RBFOX1: variants seen among roughly 807,000 people sequenced by gnomAD.
The protein encoded by RBFOX1 is RNA binding protein fox-1 homolog 1.
A neutral mutation model predicts 57.7 loss-of-function variants in RBFOX1; 8 were observed. The observed-to-expected ratio is 0.14, with a 90% CI of 0.08 to 0.25. RBFOX1 has a LOEUF of 0.25. RBFOX1 is among the 10% of genes least tolerant of loss of function. The pLI, the probability that RBFOX1 is intolerant of heterozygous loss-of-function variation, is 1.00. For synonymous variants in RBFOX1, 326 were observed against 222.4 expected (o/e 1.47, Z -4.15); for missense variants, 611 against 548.5 (o/e 1.11, Z -1.14).
intron 2 of RBFOX1, among the ~76,000 whole-genome samples, chr16:5,542,443 G>A (rs1400917060): frequency 6.7e-6 from 1 of 149,670 alleles, no homozygotes; most frequent in Non-Finnish European, 1.5e-5. Flanking sequence ...ATTTTTAGTA[G>A]AGATGGGGTT....
intron 3 of RBFOX1, among the ~76,000 whole-genome samples, chr16:5,828,237 A>G (rs2056143689): frequency 1.3e-5 from 2 of 152,090 alleles, no homozygotes; most frequent in African/African-American, 4.8e-5. Flanking sequence ...TCAACCACCC[A>G]CAAATCTACC....
chr16:7,238,824 G>A (rs770092702), intron 4 of RBFOX1, among the ~76,000 whole-genome samples: 1 of 152,122 alleles, frequency 6.6e-6, no homozygotes, highest in South Asian at 2.1e-4. Context: ...CCCAGTGTGT[G>A]TTGTTCCCCT....
intron 2 of RBFOX1, among the ~76,000 whole-genome samples, chr16:6,407,953 C>G (rs1468752930): frequency 6.6e-6 from 1 of 152,082 alleles, no homozygotes; most frequent in Non-Finnish European, 1.5e-5. Context: ...GAGCTGGAGG[C>G]TTTAGGAGGT....
At chr16:7,322,690 G>A (rs966367480) in intron 4 of RBFOX1, among the ~76,000 whole-genome samples, 6 of 152,158 alleles carry the variant, frequency 3.9e-5, no homozygotes, top group Admixed American at 3.9e-4. Flanking sequence ...TCAAAAATAA[G>A]ATTGAGGAAC....
In RBFOX1 at chr16:5,956,513, A is replaced by G. The variant is rs551894766; in HGVS notation, c.351+89178A>G. 7.3e-3 allele frequency among the ~76,000 whole-genome samples: 1,109 copies of G among 151,538 alleles called. 8 individuals are homozygous for G. The highest frequency in any genetic ancestry group is 0.026 in the African/African-American group (1,055 of 41,292). On this transcript the variant is annotated intron_variant, in intron 4 of 19. Transcript: ENST00000641259. ...CCCTGGAGCTCCTGTTAAAAATGCA[A>G]ATCACTGGGCTTCCTCTCTGAGATT...
chr16:6,481,429 G>A (rs1474650483), intron 2 of RBFOX1, among the ~76,000 whole-genome samples: 1 of 152,242 alleles, frequency 6.6e-6, no homozygotes, highest in East Asian at 1.9e-4. Context: ...CTGAGAACAC[G>A]AGGACAATGG....
At chr16:6,623,055 G>A (rs1428856648) in intron 2 of RBFOX1, among the ~76,000 whole-genome samples, 4 of 152,112 alleles carry the variant, frequency 2.6e-5, no homozygotes, top group Non-Finnish European at 2.9e-5. Flanking sequence ...TTGTCAGTCC[G>A]CCATCGACAT....
intron 3 of RBFOX1, among the ~76,000 whole-genome samples, chr16:5,755,748 A>G (rs2053370472): frequency 1.3e-5 from 2 of 152,076 alleles, no homozygotes; most frequent in Non-Finnish European, 2.9e-5. Flanking sequence ...ACAGGCATGC[A>G]TCTCCATGCG....
At chr16:5,360,050 A>G (rs988870431) in intron 1 of RBFOX1, among the ~76,000 whole-genome samples, 1 of 152,252 alleles carries the variant, frequency 6.6e-6, no homozygotes, top group African/African-American at 2.4e-5. Flanking sequence ...GCTTGTTCAG[A>G]GAACCCTGCA....
At chr16:5,304,814 A>C (rs2063892856) in intron 1 of RBFOX1, among the ~76,000 whole-genome samples, 1 of 142,602 alleles carries the variant, frequency 7.0e-6, no homozygotes, top group Non-Finnish European at 1.5e-5. Flanking sequence ...GGACTGGTAG[A>C]AGTTAGCCAT....
intron 3 of RBFOX1, among the ~76,000 whole-genome samples, chr16:5,653,927 G>A (rs550276169): frequency 1.5e-3 from 233 of 152,258 alleles, no homozygotes; most frequent in Non-Finnish European, 2.8e-3. Flanking sequence ...GTGTCTGCTC[G>A]TCTATTCTCC....
intron 4 of RBFOX1, among the ~76,000 whole-genome samples, chr16:7,140,102 C>G (rs2073260760): frequency 6.6e-6 from 1 of 151,310 alleles, no homozygotes. Flanking sequence ...ACTGTTCTCT[C>G]TTTCTCTCTG....
intron 1 of RBFOX1, among the ~76,000 whole-genome samples, chr16:6,047,119 A>G (rs1331701820): frequency 6.6e-6 from 1 of 152,226 alleles, no homozygotes; most frequent in Non-Finnish European, 1.5e-5. Flanking sequence ...TAGTTGGCTA[A>G]TGAGCCTTGA....
intron 1 of RBFOX1, among the ~76,000 whole-genome samples, chr16:6,146,894 A>C (rs2096762611): frequency 6.6e-6 from 1 of 152,144 alleles, no homozygotes; most frequent in Non-Finnish European, 1.5e-5. Flanking sequence ...GGCATCAAGA[A>C]ATGGTAGACG....
intron 1 of RBFOX1, among the ~76,000 whole-genome samples, chr16:5,347,882 C>A (rs1307283846): frequency 6.7e-6 from 1 of 150,214 alleles, no homozygotes; most frequent in Non-Finnish European, 1.5e-5. Flanking sequence ...ATGCACTCAC[C>A]CACCCATTCA....
chr16:5,406,433 C>T (rs989384325), intron 1 of RBFOX1, among the ~76,000 whole-genome samples: 10 of 152,076 alleles, frequency 6.6e-5, no homozygotes, highest in African/African-American at 2.4e-4. Context: ...GGCCTTTGGA[C>T]CCAGACTAGG....
chr16:6,796,711 C>G (rs748750744), intron 3 of RBFOX1, among the ~76,000 whole-genome samples: 1 of 152,016 alleles, frequency 6.6e-6, no homozygotes, highest in Non-Finnish European at 1.5e-5. Context: ...TTTTGATGAA[C>G]TTTCTCTCCT....
intron 2 of RBFOX1, among the ~76,000 whole-genome samples, chr16:6,426,438 G>A (rs879638778): frequency 6.6e-6 from 1 of 152,090 alleles, no homozygotes; most frequent in Non-Finnish European, 1.5e-5. Flanking sequence ...GATAATCTAG[G>A]AGTCGGAGAA....
intron 2 of RBFOX1, among the ~76,000 whole-genome samples, chr16:5,566,132 T>A (rs1339091180): frequency 6.6e-6 from 1 of 152,166 alleles, no homozygotes; most frequent in Non-Finnish European, 1.5e-5. Flanking sequence ...AACCTTTTTT[T>A]CTTTATAATT....
Sources: allele counts gnomAD v4.1 joint callset (sites outside exome capture counted in the v4.1 genomes callset), GRCh38; gene constraint gnomAD v4.1.1; transcripts MANE v1.5; gene names NCBI Gene and HGNC (gene_info 2026-07-23, HGNC 2026-07-21).